Variants in KIRREL1 observed in about 807,000 individuals in gnomAD.
KIRREL1 encodes kin of IRRE-like protein 1.
Under a neutral mutation model 83.3 loss-of-function variants are expected in KIRREL1, and 25 were observed. The observed-to-expected ratio is 0.30, with a 90% confidence interval of 0.22 to 0.42. The LOEUF (loss-of-function observed/expected upper bound fraction) is 0.42, where lower values mean the gene tolerates loss of function less well. Ranked by LOEUF, KIRREL1 falls within the 10% of genes least tolerant of loss-of-function variation. The probability of loss-of-function intolerance (pLI) is 1.00; values close to 1 mark genes in which losing one functional copy is unlikely to be tolerated. For synonymous variants in KIRREL1, 388 were observed against 410.4 expected, an observed-to-expected ratio of 0.95 and a Z score of 0.66; for missense variants, 812 against 1,032.3, an observed-to-expected ratio of 0.79 and a Z score of 2.92.
At chr1:158,049,592 T>A (rs1228832468) in intron 1 of KIRREL1, among the ~76,000 whole-genome samples, 1 of 152,154 alleles carries the variant, frequency 6.6e-6, no homozygotes, top group Non-Finnish European at 1.5e-5. Flanking sequence ...TATCATTAGA[T>A]TTGTGTTTCA....
chr1:158,083,732 G>T (rs1019922436), intron 3 of KIRREL1, among the ~76,000 whole-genome samples: 1 of 152,174 alleles, frequency 6.6e-6, no homozygotes, highest in Admixed American at 6.5e-5. Flanking sequence ...ACCTTTCCGA[G>T]CCAGACTCCC....
At chr1:158,044,783 A>G (rs1437976660) in intron 1 of KIRREL1, among the ~76,000 whole-genome samples, 1 of 152,284 alleles carries the variant, frequency 6.6e-6, no homozygotes, top group East Asian at 1.9e-4. Flanking sequence ...AGTGCTGAGG[A>G]TACAGCAATT....
At chr1:158,075,419 C>A (rs1316279691) in intron 1 of KIRREL1, among the ~76,000 whole-genome samples, 1 of 152,204 alleles carries the variant, frequency 6.6e-6, no homozygotes, top group Non-Finnish European at 1.5e-5. Flanking sequence ...TTAGGCCCCC[C>A]TGCACTTGGG....
intron 1 of KIRREL1, among the ~76,000 whole-genome samples, chr1:158,065,884 T>G (rs1661345573): frequency 6.6e-6 from 1 of 152,182 alleles, no homozygotes; most frequent in African/African-American, 2.4e-5. Flanking sequence ...TCTCTTGTTC[T>G]TTTGTCCTTC....
intron 1 of KIRREL1, among the ~76,000 whole-genome samples, chr1:158,073,874 G>A (rs372526665): frequency 1.3e-4 from 20 of 152,230 alleles, no homozygotes; most frequent in South Asian, 2.1e-4. Flanking sequence ...AGACTTCAGC[G>A]AGAGACCAGG....
At chr1:158,058,124 C>T (rs756855001) in intron 1 of KIRREL1, among the ~76,000 whole-genome samples, 8 of 152,128 alleles carry the variant, frequency 5.3e-5, no homozygotes, top group African/African-American at 7.2e-5. Context: ...CTGTGGCCTG[C>T]GGGTCTGGTC....
chr1:158,024,941 G>C (rs554308479), intron 1 of KIRREL1, among the ~76,000 whole-genome samples: 2 of 152,268 alleles, frequency 1.3e-5, no homozygotes, highest in South Asian at 2.1e-4. Context: ...CCTCCCTTCC[G>C]ATTTCTTCAG....
chr1:158,090,989 G>A (rs1470552522), intron 10 of KIRREL1, among the ~76,000 whole-genome samples: 3 of 152,214 alleles, frequency 2.0e-5, no homozygotes, highest in African/African-American at 7.2e-5. Context: ...GATTCCCAGT[G>A]TCGGTTCAAT....
intron 1 of KIRREL1, 38 bp downstream of exon 1, chr1:157,993,766 C>T (rs1413036442): frequency 3.6e-6 from 5 of 1,377,226 alleles, no homozygotes; most frequent in African/African-American, 1.5e-5. Context: ...GCTCGGCTTC[C>T]CCCCGGGGCC....
chr1:158,063,054 A>G (rs759169094), intron 1 of KIRREL1, among the ~76,000 whole-genome samples: 4 of 152,200 alleles, frequency 2.6e-5, no homozygotes, highest in Non-Finnish European at 5.9e-5. Context: ...GTCTTGGCTC[A>G]TGCTGTTCCC....
chr1:158,082,251 A>G lies in KIRREL1; in HGVS notation c.353-2171A>G, dbSNP rs569763307. ...ACACATGCCCTGCACATCATAGTCT[A>G]TGTATAGTATCTCATCTGACCTTCA... is the stretch of plus-strand genomic sequence containing the variant. On this transcript the variant is annotated intron_variant, in intron 3 of 14. Transcript: ENST00000359209. Among the ~76,000 whole-genome samples the G allele has an allele frequency of 2.6e-5, 4 of 152,194 alleles. No individual in the cohort carries two copies. The South Asian group carries it at 8.3e-4, about 32-fold the overall frequency.
chr1:158,043,615 C>A (rs1300821924), intron 1 of KIRREL1, among the ~76,000 whole-genome samples: 1 of 152,256 alleles, frequency 6.6e-6, no homozygotes, highest in Non-Finnish European at 1.5e-5. Context: ...GTGGCCATAT[C>A]TCCCCATTAC....
In KIRREL1 at chr1:158,097,426, G is replaced by T. The variant is rs1319922396; in HGVS notation, c.*2306G>T. ...CATTCTACTGAAATGATGGAGAGAGGGCCTAAGGTTACTAGGTAATTGAGC... is the reference window on the plus strand; with the variant it reads ...CATTCTACTGAAATGATGGAGAGAGTGCCTAAGGTTACTAGGTAATTGAGC... On this transcript the variant is annotated 3_prime_UTR_variant, in exon 15 of 15. Coordinates refer to ENST00000359209, the MANE Select transcript of KIRREL1 (RefSeq NM_018240.7). 2.3e-5 allele frequency: 6 copies of T among 256,566 alleles called. No individual in the cohort carries two copies. The highest frequency in any genetic ancestry group is 4.5e-5 in the Non-Finnish European group (6 of 132,486). 15.9% of individuals were successfully genotyped at this position (256,566 alleles called of 1,614,324 possible).
intron 1 of KIRREL1, among the ~76,000 whole-genome samples, chr1:158,055,018 T>C (rs1661013995): frequency 6.6e-6 from 1 of 152,082 alleles, no homozygotes; most frequent in Non-Finnish European, 1.5e-5. Context: ...CTTCTTCCTT[T>C]TTTGGGCCAT....
At chr1:158,063,976 G>A (rs1194911394) in intron 1 of KIRREL1, among the ~76,000 whole-genome samples, 1 of 152,210 alleles carries the variant, frequency 6.6e-6, no homozygotes, top group Non-Finnish European at 1.5e-5. Flanking sequence ...ACAGTGTACA[G>A]TATGGTAGGC....
At chr1:157,993,783 C>A in intron 1 of KIRREL1, 55 bp downstream of exon 1, 1 of 1,240,240 alleles carries the variant, frequency 8.1e-7, no homozygotes, top group Non-Finnish European at 1.1e-6. Flanking sequence ...GGCCGGGGCA[C>A]TGCTTCCCCG....
chr1:158,076,285 T>C (rs759436908), intron 2 of KIRREL1, 23 bp downstream of exon 2: 5 of 1,610,100 alleles, frequency 3.1e-6, no homozygotes, highest in Non-Finnish European at 3.4e-6. Context: ...CTACCCAACG[T>C]CCAAACTGTC....
chr1:158,021,897 A>T (rs1422569739), intron 1 of KIRREL1, among the ~76,000 whole-genome samples: 2 of 152,202 alleles, frequency 1.3e-5, no homozygotes, highest in East Asian at 3.9e-4. Flanking sequence ...AAGGGACAGG[A>T]AATAATACTG....
At chr1:158,073,526 G>T (rs1007115643) in intron 1 of KIRREL1, among the ~76,000 whole-genome samples, 1 of 152,158 alleles carries the variant, frequency 6.6e-6, no homozygotes, top group Non-Finnish European at 1.5e-5. Flanking sequence ...AGTTTACCAG[G>T]CAGGAAAATG....
Sources: allele counts gnomAD v4.1 joint callset (sites outside exome capture counted in the v4.1 genomes callset), GRCh38; gene constraint gnomAD v4.1.1; transcripts MANE v1.5; gene names NCBI Gene and HGNC (gene_info 2026-07-23, HGNC 2026-07-21).